Variants in NOL4 observed in about 807,000 individuals in gnomAD.
The protein encoded by NOL4 is nucleolar protein 4, also known as cancer/testis antigen 125.
Under a neutral mutation model 75.9 loss-of-function variants are expected in NOL4, and 17 were observed. The ratio of observed to expected loss-of-function variants is 0.22; its 90% CI spans 0.15 to 0.34. NOL4 has a LOEUF of 0.34. NOL4 is among the 10% of genes least tolerant of loss of function. The pLI, the probability that NOL4 is intolerant of heterozygous loss-of-function variation, is 1.00. For missense variants in NOL4, 614 were observed against 793.5 expected (o/e 0.77, Z 2.72); for synonymous variants, 292 against 289.9 (o/e 1.01, Z -0.07).
intron 5 of NOL4, among the ~76,000 whole-genome samples, chr18:34,049,811 C>G (rs559295073): frequency 1.3e-5 from 2 of 152,194 alleles, no homozygotes; most frequent in East Asian, 3.9e-4. Context: ...GCGAACAGGA[C>G]TTTATGGATG....
chr18:33,946,567 AG>A lies in NOL4; in HGVS notation c.1429-3390del, dbSNP rs1455832470. ...AACTATTATTCACATTTTACAACAA[AG>A]TCCCCACTGAGTTTAAATAAATCTA... On this transcript the variant is annotated intron_variant, in intron 8 of 10. Coordinates refer to ENST00000261592, the MANE Select transcript of NOL4 (RefSeq NM_003787.5). Among the ~76,000 whole-genome samples, 7 of 151,890 alleles carry A rather than the reference AG, an allele frequency of 4.6e-5. No homozygotes were observed. The East Asian group carries it at 1.4e-3, about 29-fold the overall frequency.
At chr18:33,889,800 CA>C (rs773811919) in intron 9 of NOL4, among the ~76,000 whole-genome samples, 3 of 152,048 alleles carry the variant, frequency 2.0e-5, no homozygotes, top group Non-Finnish European at 4.4e-5. Context: ...ATGATTATAT[CA>C]ATAGATGCAG....
At position 34,040,113 on chromosome 18, in the gene NOL4, A is replaced by G. The variant is rs187742830; in HGVS notation, c.773-20512T>C. Among the ~76,000 whole-genome samples, 750 of 152,076 alleles carry G rather than the reference A, an allele frequency of 4.9e-3. 7 individuals are homozygous for G. Among genetic ancestry groups the G allele is most frequent in the Non-Finnish European group, 8.8e-3 (596 of 67,888 alleles). ...TGGGATGCAATCACATTGTAAGTTGAGAAGCATCTGTATTCAAAATTTTGG... is the reference window on the plus strand; with the variant it reads ...TGGGATGCAATCACATTGTAAGTTGGGAAGCATCTGTATTCAAAATTTTGG... On this transcript the variant is annotated intron_variant, in intron 5 of 10. Transcript: ENST00000261592.
At chr18:34,222,345 G>C (rs990943259) in intron 1 of NOL4, 5 of 1,267,144 alleles carry the variant, frequency 3.9e-6, no homozygotes, top group Non-Finnish European at 4.0e-6. Flanking sequence ...GAAGGGAATG[G>C]GGGGGCGGGG....
At chr18:34,063,355 T>G (rs529123340) in intron 5 of NOL4, among the ~76,000 whole-genome samples, 3 of 152,200 alleles carry the variant, frequency 2.0e-5, no homozygotes, top group African/African-American at 7.2e-5. Context: ...ATAAATTAAG[T>G]GGAATTTTCA....
intron 6 of NOL4, among the ~76,000 whole-genome samples, chr18:33,985,909 C>T (rs2072408334): frequency 6.6e-6 from 1 of 152,096 alleles, no homozygotes; most frequent in Non-Finnish European, 1.5e-5. Flanking sequence ...TTATCACCTA[C>T]TTACATTTTA....
chr18:34,131,139 CA>C (rs936030500), intron 1 of NOL4, among the ~76,000 whole-genome samples: 6 of 151,068 alleles, frequency 4.0e-5, no homozygotes, highest in Admixed American at 2.0e-4. Context: ...TTTGAAGTAA[CA>C]TAACATAGCC....
intron 6 of NOL4, among the ~76,000 whole-genome samples, chr18:33,959,477 C>T (rs1376914183): frequency 1.3e-5 from 2 of 151,990 alleles, no homozygotes; most frequent in Admixed American, 1.3e-4. Context: ...CAGCCATGTA[C>T]AGCATAACCA....
chr18:33,985,545 C>T (rs1158392061), intron 6 of NOL4, among the ~76,000 whole-genome samples: 2 of 152,074 alleles, frequency 1.3e-5, no homozygotes, highest in African/African-American at 4.8e-5. Context: ...CACGGTTAGA[C>T]CTGATCCTCA....
intron 1 of NOL4, among the ~76,000 whole-genome samples, chr18:34,210,690 G>A (rs1403266971): frequency 6.6e-6 from 1 of 152,130 alleles, no homozygotes; most frequent in Non-Finnish European, 1.5e-5. Context: ...TTACAGTCTG[G>A]TCATACAGTG....
intron 5 of NOL4, among the ~76,000 whole-genome samples, chr18:34,030,643 C>G (rs913766588): frequency 6.6e-6 from 1 of 152,078 alleles, no homozygotes; most frequent in East Asian, 1.9e-4. Context: ...TTCCAGTTTT[C>G]TGTACCACTT....
intron 6 of NOL4, among the ~76,000 whole-genome samples, chr18:33,987,195 A>T (rs2072529657): frequency 6.6e-6 from 1 of 152,146 alleles, no homozygotes; most frequent in Non-Finnish European, 1.5e-5. Context: ...AAAGTATACC[A>T]TAAAAGCTAG....
chr18:34,013,751 C>T (rs1392096290), intron 6 of NOL4, among the ~76,000 whole-genome samples: 2 of 151,960 alleles, frequency 1.3e-5, no homozygotes, highest in East Asian at 3.9e-4. Flanking sequence ...TTATAATACA[C>T]TCATTTATAT....
intron 1 of NOL4, among the ~76,000 whole-genome samples, chr18:34,139,546 C>T (rs866699096): frequency 3.8e-4 from 58 of 151,976 alleles, no homozygotes; most frequent in African/African-American, 1.2e-3. Context: ...TTTTTTATTG[C>T]GTCTATTTGA....
chr18:34,222,255 C>T, intron 1 of NOL4: 1 of 1,387,248 alleles, frequency 7.2e-7, no homozygotes, highest in Non-Finnish European at 9.3e-7. Flanking sequence ...AATACACACA[C>T]CATTCGATAG....
At chr18:34,053,269 T>A (rs976659902) in intron 5 of NOL4, among the ~76,000 whole-genome samples, 1 of 151,664 alleles carries the variant, frequency 6.6e-6, no homozygotes, top group African/African-American at 2.4e-5. Context: ...ACTCTTAAAT[T>A]GCCAAGAGCA....
chr18:34,157,729 A>G (rs754614161), intron 1 of NOL4, among the ~76,000 whole-genome samples: 8 of 152,154 alleles, frequency 5.3e-5, no homozygotes, highest in Non-Finnish European at 1.0e-4. Flanking sequence ...ATGGGAAGAG[A>G]TTATCAAGGA....
chr18:33,863,292 G>T (rs542289152), intron 10 of NOL4, among the ~76,000 whole-genome samples: 1 of 152,036 alleles, frequency 6.6e-6, no homozygotes, highest in East Asian at 1.9e-4. Flanking sequence ...AAGGGGGGAG[G>T]GATAGCATTG....
At chr18:33,905,462 A>G (rs181584245) in intron 9 of NOL4, among the ~76,000 whole-genome samples, 2 of 152,308 alleles carry the variant, frequency 1.3e-5, no homozygotes, top group African/African-American at 4.8e-5. Context: ...GAGCTCTTGA[A>G]GGACCTAAAG....
Sources: gnomAD v4.1 joint callset for allele counts (sites outside exome capture counted in the v4.1 genomes callset) on GRCh38, gnomAD v4.1.1 for gene constraint, MANE v1.5 for transcripts, NCBI Gene and HGNC (gene_info 2026-07-23, HGNC 2026-07-21) for gene names.